The following IAPP variants were observed in gnomAD, a reference collection of about 807,000 sequenced individuals.
The protein encoded by IAPP is islet amyloid polypeptide.
In IAPP, 4 loss-of-function variants were observed where a neutral mutation model predicts 2.9. The observed-to-expected ratio is 1.39, with a 90% CI of 0.69 to 3.19. The LOEUF is 3.19. IAPP is among the 30% of genes most tolerant of loss of function. The pLI is 0.01. For synonymous variants in IAPP, 40 were observed against 42.1 expected (o/e 0.95, Z 0.19); for missense variants, 114 against 105.3 (o/e 1.08, Z -0.36).
chr12:21,360,752 C>T (rs948189161), intron 1 of IAPP, among the ~76,000 whole-genome samples: 1 of 152,220 alleles, frequency 6.6e-6, no homozygotes. Flanking sequence ...CCGCGGCTGG[C>T]TTGGAGGCTC....
chr12:21,361,278 T>C (rs1430261025), intron 1 of IAPP, among the ~76,000 whole-genome samples: 1 of 152,192 alleles, frequency 6.6e-6, no homozygotes, highest in Admixed American at 6.5e-5. Context: ...AAACAGGGTC[T>C]GGAGTGGACC....
intron 1 of IAPP, among the ~76,000 whole-genome samples, chr12:21,358,999 T>A: frequency 6.6e-6 from 1 of 152,176 alleles, no homozygotes; most frequent in East Asian, 1.9e-4. Flanking sequence ...GATAATGACT[T>A]ATCTTCAGAA....
chr12:21,369,748 T>C (rs1939649888), upstream of IAPP, among the ~76,000 whole-genome samples: 1 of 152,180 alleles, frequency 6.6e-6, no homozygotes, highest in East Asian at 1.9e-4. Context: ...AGCTCCCAGG[T>C]GATGCAAAAG....
upstream of IAPP, among the ~76,000 whole-genome samples, chr12:21,368,429 A>G (rs1262057030): frequency 6.6e-6 from 1 of 152,020 alleles, no homozygotes; most frequent in East Asian, 1.9e-4. Flanking sequence ...GAGCAACCAA[A>G]TGCAATCTTG....
At chr12:21,358,248 G>GA (rs1375196534) in intron 1 of IAPP, among the ~76,000 whole-genome samples, 6 of 152,122 alleles carry the variant, frequency 3.9e-5, no homozygotes, top group Non-Finnish European at 8.8e-5. Context: ...AAGTATGCTG[G>GA]AAAAAATCAT....
upstream of IAPP, among the ~76,000 whole-genome samples, chr12:21,371,782 C>A (rs111885205): frequency 1.0e-3 from 158 of 152,198 alleles, 1 homozygote; most frequent in African/African-American, 3.6e-3. Flanking sequence ...GTGGGCGGAT[C>A]ACCTGAGGTT....
Position 21,366,388 on chromosome 12 carries a change from C to T in IAPP, c.-15-6949C>T, listed in dbSNP as rs191262752. Among the ~76,000 whole-genome samples, 697 of 107,050 alleles carry T rather than the reference C, an allele frequency of 6.5e-3. 9 individuals carry two copies. The highest frequency in any genetic ancestry group is 0.024 in the African/African-American group (663 of 27,534). 70.2% of individuals were successfully genotyped at this position (107,050 alleles called of 152,430 possible). A position where few individuals can be genotyped will look rare whatever the true frequency, so the allele number is the denominator to read the frequency against. ...CACAGGGTGGGGAACATCACACACA[C>T]GGGCCTGCCGGGGGGTGGGCGGGGG... On this transcript the variant is annotated intron_variant, in intron 1 of 2. Coordinates refer to the IAPP transcript ENST00000539393.
At position 21,378,465 on chromosome 12, in the gene IAPP, G is replaced by A; in HGVS notation, c.*39G>A. 6.6e-7 allele frequency: 1 copy of A among 1,508,380 alleles called. No homozygotes were observed. Among genetic ancestry groups the A allele is most frequent in the Middle Eastern group, 1.7e-4 (1 of 5,880 alleles). 93.4% of individuals were successfully genotyped at this position (1,508,380 alleles called of 1,614,324 possible). On this transcript the variant is annotated 3_prime_UTR_variant, in exon 3 of 3. Coordinates refer to ENST00000240652, the MANE Select transcript of IAPP (RefSeq NM_000415.3). ...TCTATAGTTATTGTTTTATGTTCTA[G>A]TGATTTCCTGTATAATTTAACAGTG...
intron 1 of IAPP, among the ~76,000 whole-genome samples, chr12:21,361,979 T>C (rs975015571): frequency 6.6e-6 from 1 of 152,130 alleles, no homozygotes; most frequent in African/African-American, 2.4e-5. Flanking sequence ...CTTCAGGATA[T>C]CATGCCGGAG....
intron 2 of IAPP, among the ~76,000 whole-genome samples, chr12:21,375,207 T>G (rs1204143650): frequency 6.6e-6 from 1 of 152,202 alleles, no homozygotes; most frequent in African/African-American, 2.4e-5. Flanking sequence ...TGTTATAAAA[T>G]TATTTTGATG....
chr12:21,358,435 T>C (rs939185399), intron 1 of IAPP, among the ~76,000 whole-genome samples: 4 of 152,208 alleles, frequency 2.6e-5, no homozygotes, highest in Admixed American at 2.6e-4. Flanking sequence ...GGCAATCCAC[T>C]AACGAGATGG....
At chr12:21,363,413 T>C (rs897140843) in intron 1 of IAPP, among the ~76,000 whole-genome samples, 1 of 152,154 alleles carries the variant, frequency 6.6e-6, no homozygotes, top group African/African-American at 2.4e-5. Flanking sequence ...GAGGGAAATT[T>C]ATAGCACTAA....
intron 1 of IAPP, among the ~76,000 whole-genome samples, chr12:21,356,677 G>A (rs1162742210): frequency 1.3e-5 from 2 of 152,100 alleles, no homozygotes; most frequent in East Asian, 3.8e-4. Context: ...CACCCAATGA[G>A]TAAAACAACT....
intron 1 of IAPP, among the ~76,000 whole-genome samples, chr12:21,364,412 C>T (rs1454551152): frequency 6.6e-6 from 1 of 152,122 alleles, no homozygotes; most frequent in East Asian, 1.9e-4. Context: ...ATAATATGAT[C>T]TATTTATGAC....
At position 21,379,705 on chromosome 12, in the gene IAPP, C is replaced by T. The variant is rs1295602087; in HGVS notation, c.*1279C>T. 1 of 151,962 alleles carries T rather than the reference C, an allele frequency of 6.6e-6. No homozygotes were observed. Among genetic ancestry groups the T allele is most frequent in the Non-Finnish European group, 1.5e-5 (1 of 67,998 alleles). The allele number at this position is 151,962 out of a possible 1,614,324, so 9.4% of individuals were successfully genotyped here. On this transcript the variant is annotated 3_prime_UTR_variant, in exon 3 of 3. Coordinates refer to ENST00000240652, the MANE Select transcript of IAPP (RefSeq NM_000415.3). ...ATTCAGATAAACTGCCATCATGCTG[C>T]GTTATGCCATTTCTAAAGACACTCA...
intron 1 of IAPP, among the ~76,000 whole-genome samples, chr12:21,366,848 A>G (rs1939427187): frequency 6.6e-6 from 1 of 152,026 alleles, no homozygotes. Context: ...AATTAAAGAG[A>G]TTAAAAATAG....
At chr12:21,355,223 A>G (rs1938271698) in intron 1 of IAPP, among the ~76,000 whole-genome samples, 1 of 152,164 alleles carries the variant, frequency 6.6e-6, no homozygotes, top group African/African-American at 2.4e-5. Flanking sequence ...TACGACCTTT[A>G]TAGAGTAGAA....
chr12:21,359,143 T>G (rs2137039142), intron 1 of IAPP, among the ~76,000 whole-genome samples: 1 of 152,288 alleles, frequency 6.6e-6, no homozygotes, highest in East Asian at 1.9e-4. Flanking sequence ...ACTAGAAGAT[T>G]TTTATATACT....
Position 21,379,677 on chromosome 12 carries a change from T to A in IAPP, c.*1251T>A, listed in dbSNP as rs1363168989. 1.3e-5 allele frequency: 2 copies of A among 152,216 alleles called. No individual in the cohort carries two copies. Among genetic ancestry groups the A allele is most frequent in the Non-Finnish European group, 2.9e-5 (2 of 68,042 alleles). The allele number at this position is 152,216 out of a possible 1,614,324, so 9.4% of individuals were successfully genotyped here. A position where few individuals can be genotyped will look rare whatever the true frequency, so the allele number is the denominator to read the frequency against. On this transcript the variant is annotated 3_prime_UTR_variant, in exon 3 of 3. Coordinates refer to ENST00000240652, the MANE Select transcript of IAPP (RefSeq NM_000415.3). The stretch of plus-strand genomic sequence containing the variant: ...GAGTTAGGTAGCTTTGGAAGTAGCA[T>A]TAATTCAGATAAACTGCCATCATGC...
Sources: allele counts gnomAD v4.1 joint callset (sites outside exome capture counted in the v4.1 genomes callset), GRCh38; gene constraint gnomAD v4.1.1; transcripts MANE v1.5; gene names NCBI Gene and HGNC (gene_info 2026-07-23, HGNC 2026-07-21).